Variants in PSMD1 observed in about 807,000 individuals in gnomAD.
PSMD1 encodes the protein 26S proteasome non-ATPase regulatory subunit 1.
In PSMD1, 18 loss-of-function variants were observed where a neutral mutation model predicts 119.0. The observed-to-expected ratio is 0.15, with a 90% confidence interval of 0.10 to 0.22. The LOEUF is 0.22. Among genes scored for constraint, PSMD1 ranks in the 10% least tolerant of loss-of-function variants. The pLI is 1.00. For missense variants in PSMD1, 702 were observed against 1,158.5 expected (o/e 0.61, Z 5.72); for synonymous variants, 374 against 396.6 (o/e 0.94, Z 0.68).
chr2:231,146,201 C>G, intron 17 of PSMD1, 39 bp from the exon 18 acceptor site: 3 of 1,423,280 alleles, frequency 2.1e-6, no homozygotes, highest in Non-Finnish European at 3.0e-6. Flanking sequence ...GCCATATCAA[C>G]TTTATTTAAA....
At chr2:231,123,532 G>A in intron 16 of PSMD1, 1 of 1,613,986 alleles carries the variant, frequency 6.2e-7, no homozygotes, top group Non-Finnish European at 8.5e-7. Flanking sequence ...CAGTGAAACA[G>A]CCAGAATAAC....
At chr2:231,116,747 A>G (rs145727584) in intron 16 of PSMD1, among the ~76,000 whole-genome samples, 134 of 152,214 alleles carry the variant, frequency 8.8e-4, no homozygotes, top group African/African-American at 2.9e-3. Flanking sequence ...GAATTTTCTT[A>G]TTACAGTTAG....
chr2:231,063,497 G>A (rs567019973), intron 4 of PSMD1, among the ~76,000 whole-genome samples: 3 of 152,286 alleles, frequency 2.0e-5, no homozygotes, highest in African/African-American at 7.2e-5. Context: ...TAGAAGGTCT[G>A]TATTATTCAC....
intron 16 of PSMD1, among the ~76,000 whole-genome samples, chr2:231,120,083 C>CT (rs1254142569): frequency 1.3e-5 from 2 of 151,666 alleles, no homozygotes; most frequent in African/African-American, 4.8e-5. Flanking sequence ...TCCCGAGTAG[C>CT]TGGGACTACA....
intron 18 of PSMD1, 35 bp downstream of exon 18, chr2:231,146,391 G>A (rs749383694): frequency 1.3e-6 from 2 of 1,507,404 alleles, no homozygotes; most frequent in Non-Finnish European, 1.8e-6. Context: ...GAAGAGAGAT[G>A]GTTTGGTCTT....
At chr2:231,137,314 C>T (rs1242742906) in intron 16 of PSMD1, among the ~76,000 whole-genome samples, 1 of 151,602 alleles carries the variant, frequency 6.6e-6, no homozygotes, top group Admixed American at 6.6e-5. Context: ...GGAGGTTTCA[C>T]CATGTTGGCC....
chr2:231,135,831 A>C (rs78924485), intron 16 of PSMD1, among the ~76,000 whole-genome samples: 5,347 of 152,260 alleles, frequency 0.035, 108 homozygotes, highest in East Asian at 0.11. Context: ...TTATTTCCAA[A>C]TTATTCATAC....
At chr2:231,065,441 C>A (rs901387788) in intron 4 of PSMD1, among the ~76,000 whole-genome samples, 2 of 149,262 alleles carry the variant, frequency 1.3e-5, no homozygotes, top group African/African-American at 5.0e-5. Context: ...TACAGGCGCC[C>A]GCCACCACAC....
chr2:231,120,683 T>C lies in PSMD1; in HGVS notation c.1884-18053T>C, dbSNP rs1306277779. Among the ~76,000 whole-genome samples the C allele has an allele frequency of 2.0e-5, 3 of 152,340 alleles. No individual in the cohort carries two copies. In the East Asian group the frequency reaches 5.8e-4, roughly 29 times the overall value. On this transcript the variant is annotated intron_variant, in intron 16 of 24. Coordinates refer to ENST00000308696, the MANE Select transcript of PSMD1 (RefSeq NM_002807.4). ...CCACTTTTATATTTTACTGCTCTTA[T>C]TTTTAAAATTTCATTTTATTAGACT...
chr2:231,145,223 A>G (rs1696225442), intron 17 of PSMD1, among the ~76,000 whole-genome samples: 1 of 152,258 alleles, frequency 6.6e-6, no homozygotes. Context: ...AACATCATAG[A>G]GTATACTTAC....
chr2:231,100,275 G>T (rs977241244), intron 16 of PSMD1, among the ~76,000 whole-genome samples: 4 of 151,964 alleles, frequency 2.6e-5, no homozygotes, highest in Admixed American at 1.3e-4. Context: ...CCTTAAAGAT[G>T]GTGCAATGGT....
At chr2:231,143,187 G>GGGTTTGGTTT (rs3035542) in intron 17 of PSMD1, among the ~76,000 whole-genome samples, 35 of 145,294 alleles carry the variant, frequency 2.4e-4, no homozygotes, top group South Asian at 9.3e-4. Context: ...GGAACGTTGT[G>GGGTTTGGTTT]GGTTTGGTTT....
intron 19 of PSMD1, among the ~76,000 whole-genome samples, chr2:231,154,138 G>T (rs1696430680): frequency 6.7e-6 from 1 of 149,262 alleles, no homozygotes; most frequent in South Asian, 2.1e-4. Flanking sequence ...CCAAAAAAAA[G>T]TACAGGCTGT....
At chr2:231,098,086 G>A (rs535232889) in intron 16 of PSMD1, among the ~76,000 whole-genome samples, 4 of 152,368 alleles carry the variant, frequency 2.6e-5, no homozygotes, top group African/African-American at 9.6e-5. Context: ...CTCGGGGGCT[G>A]ACCCGCAGGG....
chr2:231,131,290 C>A (rs1042918584), intron 16 of PSMD1, among the ~76,000 whole-genome samples: 3 of 151,926 alleles, frequency 2.0e-5, no homozygotes, highest in Non-Finnish European at 4.4e-5. Context: ...TGTTAGCAGT[C>A]GTTGATAATC....
intron 8 of PSMD1, among the ~76,000 whole-genome samples, chr2:231,076,325 T>A (rs1694165928): frequency 1.3e-5 from 2 of 152,194 alleles, no homozygotes; most frequent in African/African-American, 4.8e-5. Flanking sequence ...TGTGTAAACT[T>A]CAGCTGTTCT....
chr2:231,085,657 C>T (rs1694414479), intron 15 of PSMD1, among the ~76,000 whole-genome samples: 1 of 148,168 alleles, frequency 6.7e-6, no homozygotes, highest in South Asian at 2.2e-4. Flanking sequence ...CACCCCCACA[C>T]CCCGGGACCC....
At chr2:231,076,813 AT>A (rs552697083) in intron 8 of PSMD1, among the ~76,000 whole-genome samples, 170 of 152,356 alleles carry the variant, frequency 1.1e-3, no homozygotes, top group African/African-American at 4.1e-3. Context: ...TTTAAAAAAT[AT>A]TTAAATATTT....
Position 231,167,195 on chromosome 2 carries a change from C to CA in PSMD1, c.2715+1179dup, listed in dbSNP as rs537731722. Among the ~76,000 whole-genome samples the CA allele has an allele frequency of 2.2e-3, 340 of 151,846 alleles. 1 individual carries two copies. The highest frequency in any genetic ancestry group is 7.9e-3 in the African/African-American group (326 of 41,396). ...CATCAATGGATACCTTTAATGCAGT[C>CA]ACTGTCTGATCTGCAACCTGGTTCA... On this transcript the variant is annotated intron_variant, in intron 23 of 24. Coordinates refer to ENST00000308696, the MANE Select transcript of PSMD1 (RefSeq NM_002807.4).
Sources: allele counts gnomAD v4.1 joint callset (sites outside exome capture counted in the v4.1 genomes callset), GRCh38; gene constraint gnomAD v4.1.1; transcripts MANE v1.5; gene names NCBI Gene and HGNC (gene_info 2026-07-23, HGNC 2026-07-21).